The following GMDS variants were observed in gnomAD, a reference collection of about 807,000 sequenced individuals.
GMDS encodes the protein GDP-mannose 4,6-dehydratase, also known as GDP-mannose 4,6 dehydratase.
GMDS carries 20 observed loss-of-function variants against 49.9 expected under a neutral mutation model. The observed-to-expected ratio is 0.40, with a 90% CI of 0.28 to 0.58. GMDS has a LOEUF of 0.58. GMDS is among the 20% of genes least tolerant of loss of function. The probability of loss-of-function intolerance (pLI) is 0.42; values close to 1 mark genes in which losing one functional copy is unlikely to be tolerated. For synonymous variants in GMDS, 177 were observed against 178.6 expected (o/e 0.99, Z 0.07); for missense variants, 362 against 481.4 (o/e 0.75, Z 2.32).
At chr6:2,033,728 G>GT (rs1769111776) in intron 4 of GMDS, among the ~76,000 whole-genome samples, 1 of 152,100 alleles carries the variant, frequency 6.6e-6, no homozygotes, top group African/African-American at 2.4e-5. Flanking sequence ...CAGATGAGTC[G>GT]TTCCTAAACT....
chr6:2,132,543 A>G (rs143004894), intron 1 of GMDS, among the ~76,000 whole-genome samples: 23 of 152,304 alleles, frequency 1.5e-4, no homozygotes, highest in African/African-American at 4.1e-4. Context: ...CTGTACAGCT[A>G]ATCAAAATGT....
chr6:1,654,714 A>G (rs966846703), intron 9 of GMDS, among the ~76,000 whole-genome samples: 1 of 152,172 alleles, frequency 6.6e-6, no homozygotes, highest in Non-Finnish European at 1.5e-5. Context: ...ACGGAACTGC[A>G]CACTTGAAAA....
intron 4 of GMDS, among the ~76,000 whole-genome samples, chr6:2,114,480 A>G (rs1388013594): frequency 1.3e-5 from 2 of 152,234 alleles, no homozygotes; most frequent in African/African-American, 2.4e-5. Context: ...AGTATGCATA[A>G]GAGACTTTCC....
At position 2,245,307 on chromosome 6, in the gene GMDS, G is replaced by GC. The variant is rs1781814772; in HGVS notation, c.102+13dup. On this transcript the variant is annotated intron_variant, in intron 1 of 10. Transcript: ENST00000380815. ...AGGCTGCCTCGGCCGGCGCGCCCCC[G>GC]CCCCCGCACTCACCTGGCCTGTGAT... 1 of 1,513,484 alleles carries GC rather than the reference G, an allele frequency of 6.6e-7. No individual in the cohort carries two copies. Among genetic ancestry groups the GC allele is most frequent in the Non-Finnish European group, 8.9e-7 (1 of 1,124,908 alleles). The allele number at this position is 1,513,484 out of a possible 1,614,324, so 93.8% of individuals were successfully genotyped here.
intron 1 of GMDS, among the ~76,000 whole-genome samples, chr6:2,212,046 G>T (rs1780085651): frequency 6.6e-6 from 1 of 152,006 alleles, no homozygotes; most frequent in Non-Finnish European, 1.5e-5. Flanking sequence ...AACTGTGCAG[G>T]GAATTTTAAT....
intron 9 of GMDS, among the ~76,000 whole-genome samples, chr6:1,690,557 T>G (rs1192111143): frequency 1.3e-5 from 2 of 152,068 alleles, no homozygotes; most frequent in African/African-American, 4.8e-5. Context: ...TGAGTCCCCA[T>G]CAGAGTGAAC....
At chr6:2,021,111 C>G (rs1768252390) in intron 4 of GMDS, among the ~76,000 whole-genome samples, 1 of 152,200 alleles carries the variant, frequency 6.6e-6, no homozygotes. Context: ...TTGCCTTACT[C>G]TGATTAGGAG....
intron 7 of GMDS, among the ~76,000 whole-genome samples, chr6:1,910,417 C>T (rs1019734458): frequency 3.9e-5 from 6 of 151,918 alleles, no homozygotes; most frequent in African/African-American, 9.7e-5. Flanking sequence ...CAGAACACTA[C>T]GTTCTGTTAG....
chr6:1,671,141 A>T (rs970876054), intron 9 of GMDS, among the ~76,000 whole-genome samples: 7 of 152,190 alleles, frequency 4.6e-5, no homozygotes, highest in Non-Finnish European at 1.0e-4. Context: ...CCACAGAACA[A>T]TGTAACTGCT....
chr6:1,716,648 G>T (rs1381008685), intron 9 of GMDS, among the ~76,000 whole-genome samples: 1 of 152,116 alleles, frequency 6.6e-6, no homozygotes, highest in East Asian at 1.9e-4. Flanking sequence ...TACCAGCCTT[G>T]CTTCTCAGGG....
At chr6:2,060,961 G>C (rs1469478753) in intron 4 of GMDS, among the ~76,000 whole-genome samples, 1 of 151,846 alleles carries the variant, frequency 6.6e-6, no homozygotes, top group African/African-American at 2.4e-5. Flanking sequence ...TGGAGGTTGC[G>C]GTGAGCCAAG....
chr6:1,806,109 T>C (rs150594471), intron 7 of GMDS, among the ~76,000 whole-genome samples: 2 of 152,168 alleles, frequency 1.3e-5, no homozygotes, highest in South Asian at 4.2e-4. Context: ...TGAGACCCTG[T>C]CTCTAAAAAA....
chr6:1,765,617 C>T (rs1768319941), intron 7 of GMDS, among the ~76,000 whole-genome samples: 1 of 152,152 alleles, frequency 6.6e-6, no homozygotes, highest in Non-Finnish European at 1.5e-5. Context: ...GGAGGACTGA[C>T]CTGCAACAGG....
chr6:2,159,870 G>A (rs931576538), intron 1 of GMDS, among the ~76,000 whole-genome samples: 1 of 151,712 alleles, frequency 6.6e-6, no homozygotes, highest in Non-Finnish European at 1.5e-5. Context: ...TTTTCAAATT[G>A]TCACAAATCT....
intron 7 of GMDS, among the ~76,000 whole-genome samples, chr6:1,921,313 C>G (rs1017989830): frequency 1.3e-5 from 2 of 152,184 alleles, no homozygotes; most frequent in African/African-American, 4.8e-5. Flanking sequence ...TCTAAACTAT[C>G]TGTAAATGAA....
intron 1 of GMDS, among the ~76,000 whole-genome samples, chr6:2,140,620 T>C (rs1776238404): frequency 6.6e-6 from 1 of 152,224 alleles, no homozygotes; most frequent in East Asian, 1.9e-4. Flanking sequence ...AGAGAGCTGG[T>C]GGTGAAAGCA....
At chr6:1,739,496 A>G (rs76483406) in intron 8 of GMDS, among the ~76,000 whole-genome samples, 13,124 of 152,270 alleles carry the variant, frequency 0.086, 703 homozygotes, top group Middle Eastern at 0.21. Context: ...CCCGCATTCA[A>G]ACAGTGGACT....
chr6:1,715,745 T>A (rs1038836446), intron 9 of GMDS, among the ~76,000 whole-genome samples: 2 of 152,246 alleles, frequency 1.3e-5, no homozygotes, highest in African/African-American at 4.8e-5. Context: ...GGTGTTGAGA[T>A]ACATACTTTA....
At chr6:1,879,408 G>A (rs1403806777) in intron 7 of GMDS, among the ~76,000 whole-genome samples, 4 of 152,164 alleles carry the variant, frequency 2.6e-5, no homozygotes, top group Non-Finnish European at 4.4e-5. Context: ...CAAGCTTGCT[G>A]GGTGAGTAAA....
Sources: allele counts gnomAD v4.1 joint callset (sites outside exome capture counted in the v4.1 genomes callset), GRCh38; gene constraint gnomAD v4.1.1; transcripts MANE v1.5; gene names NCBI Gene and HGNC (gene_info 2026-07-23, HGNC 2026-07-21).